Variants in ZNF81 observed in about 807,000 individuals in gnomAD.
ZNF81 encodes the protein zinc finger protein 81 (HFZ20).
In ZNF81, 5 loss-of-function variants were observed where a neutral mutation model predicts 32.3. The ratio of observed to expected loss-of-function variants is 0.15; its 90% CI spans 0.08 to 0.33. The LOEUF (loss-of-function observed/expected upper bound fraction) is 0.33, where lower values mean the gene tolerates loss of function less well. Ranked by LOEUF, ZNF81 falls within the 10% of genes least tolerant of loss-of-function variation. The pLI, the probability that ZNF81 is intolerant of heterozygous loss-of-function variation, is 1.00. For synonymous variants in ZNF81, 163 were observed against 166.8 expected (o/e 0.98, Z 0.17); for missense variants, 379 against 479.8 (o/e 0.79, Z 1.96).
intron 4 of ZNF81, among the ~76,000 whole-genome samples, chrX:47,913,096 G>T (rs1169861854): frequency 9.0e-6 from 1 of 111,700 alleles, no homozygotes; most frequent in Non-Finnish European, 1.9e-5. Flanking sequence ...GTTTGTATAG[G>T]TTAGGATGGC....
At chrX:47,907,005 C>T (rs1466857912) in intron 4 of ZNF81, among the ~76,000 whole-genome samples, 1 of 109,156 alleles carries the variant, frequency 9.2e-6, no homozygotes, top group Non-Finnish European at 1.9e-5. Flanking sequence ...AGATCAAAAT[C>T]ATGTCTCTTG....
chrX:47,846,424 A>G, intron 2 of ZNF81, 103 bp downstream of exon 2: 1 of 984,007 alleles, frequency 1.0e-6, no homozygotes. Flanking sequence ...TTTAGCAGGC[A>G]GGAAAATTTC....
intron 2 of ZNF81, among the ~76,000 whole-genome samples, chrX:47,872,472 A>G (rs2058584206): frequency 9.0e-6 from 1 of 111,545 alleles, no homozygotes; most frequent in Admixed American, 9.5e-5. Flanking sequence ...TTGAGAGACC[A>G]TTTGCCATAA....
chrX:47,913,759 T>G (rs955548931), intron 4 of ZNF81, among the ~76,000 whole-genome samples: 2 of 111,719 alleles, frequency 1.8e-5, no homozygotes, highest in African/African-American at 6.5e-5. Flanking sequence ...AAGTAAGACA[T>G]GCACCTTTAG....
At position 47,920,967 on chromosome X, in the gene ZNF81, G is replaced by A. The variant is rs2058774866; in HGVS notation, c.*4335G>A. On this transcript the variant is annotated 3_prime_UTR_variant, in exon 5 of 5. Transcript: ENST00000338637. The stretch of plus-strand genomic sequence containing the variant: ...CTTTTATTATATTTCAAGCTAGTTG[G>A]TTGCTCTGTAATCTTAGCTCTCTGA... 1 of 111,470 alleles carries A rather than the reference G, an allele frequency of 9.0e-6. No individual in the cohort carries two copies. Among genetic ancestry groups the A allele is most frequent in the African/African-American group, 3.3e-5 (1 of 30,613 alleles). 9.2% of individuals were successfully genotyped at this position (111,470 alleles called of 1,213,427 possible). A position where few individuals can be genotyped will look rare whatever the true frequency, so the allele number is the denominator to read the frequency against.
intron 2 of ZNF81, among the ~76,000 whole-genome samples, chrX:47,855,855 C>T (rs1556881804): frequency 9.2e-6 from 1 of 108,840 alleles, no homozygotes; most frequent in Non-Finnish European, 1.9e-5. Context: ...TTGAGACCAG[C>T]CTGGCCAACA....
chrX:47,871,009 C>T (rs1182030808), intron 2 of ZNF81, among the ~76,000 whole-genome samples: 2 of 111,708 alleles, frequency 1.8e-5, no homozygotes, highest in Non-Finnish European at 3.8e-5. Flanking sequence ...TTTTGGAATG[C>T]ATATTTTTGA....
intron 2 of ZNF81, among the ~76,000 whole-genome samples, chrX:47,873,589 T>C (rs1226443886): frequency 1.8e-5 from 2 of 112,147 alleles, no homozygotes; most frequent in Admixed American, 1.9e-4. Flanking sequence ...GCTCCCTTTG[T>C]ATATTGTCCA....
chrX:47,887,879 T>A (rs1427706507), intron 2 of ZNF81, 120 bp from the exon 3 acceptor site: 60 of 815,988 alleles, frequency 7.4e-5, no homozygotes, highest in Non-Finnish European at 1.1e-4. Flanking sequence ...AACTAAGTAT[T>A]TAATGGGCAT....
At chrX:47,868,561 C>T (rs923279590) in intron 2 of ZNF81, among the ~76,000 whole-genome samples, 28 of 111,229 alleles carry the variant, frequency 2.5e-4, no homozygotes, top group Non-Finnish European at 4.9e-4. Flanking sequence ...TTTCCATTTC[C>T]ACTCCTATTG....
In ZNF81 at chrX:47,918,823, C is replaced by G. The variant is rs782062721; in HGVS notation, c.*2191C>G. ...TATCTGCCCCTGGAGCCAAGGGAAC[C>G]GACAACATTTGCTCTGTGGGATTTC... On this transcript the variant is annotated 3_prime_UTR_variant, in exon 5 of 5. Transcript: ENST00000338637. 8.4e-6 allele frequency: 1 copy of G among 118,985 alleles called. No homozygotes were observed. Among genetic ancestry groups the G allele is most frequent in the African/African-American group, 3.2e-5 (1 of 30,826 alleles). 9.8% of individuals were successfully genotyped at this position (118,985 alleles called of 1,213,427 possible).
At chrX:47,890,464 A>C (rs2058658587) in intron 3 of ZNF81, among the ~76,000 whole-genome samples, 1 of 112,254 alleles carries the variant, frequency 8.9e-6, no homozygotes, top group African/African-American at 3.2e-5. Flanking sequence ...GTAGTTATCC[A>C]CTACTACAGG....
In ZNF81 at chrX:47,920,530, T is replaced by C. The variant is rs1569396838; in HGVS notation, c.*3898T>C. 1 of 110,757 alleles carries C rather than the reference T, an allele frequency of 9.0e-6. No individual in the cohort carries two copies. Among genetic ancestry groups the C allele is most frequent in the Admixed American group, 9.6e-5 (1 of 10,394 alleles). The allele number at this position is 110,757 out of a possible 1,213,427, so 9.1% of individuals were successfully genotyped here. A position where few individuals can be genotyped will look rare whatever the true frequency, so the allele number is the denominator to read the frequency against. On this transcript the variant is annotated 3_prime_UTR_variant, in exon 5 of 5. Transcript: ENST00000338637. ...TTTTATCATGGGTGGAATTTTTTTT[T>C]CCATTTCCCTCACTCTAGTCACAGT...
chrX:47,870,249 T>G (rs1173501099), intron 2 of ZNF81, among the ~76,000 whole-genome samples: 1 of 112,074 alleles, frequency 8.9e-6, no homozygotes, highest in Non-Finnish European at 1.9e-5. Flanking sequence ...GCACAGGACA[T>G]GGTCTCAGAC....
intron 2 of ZNF81, among the ~76,000 whole-genome samples, chrX:47,867,929 C>T (rs1415272228): frequency 1.8e-5 from 2 of 111,767 alleles, no homozygotes; most frequent in Admixed American, 1.9e-4. Context: ...AGTAACACCA[C>T]ATTTATAAAA....
At chrX:47,897,020 T>A (rs782139839) in intron 4 of ZNF81, among the ~76,000 whole-genome samples, 11 of 112,379 alleles carry the variant, frequency 9.8e-5, no homozygotes, top group African/African-American at 3.2e-4. Context: ...TTATTATGAA[T>A]GAAGCTGCAG....
intron 1 of ZNF81, among the ~76,000 whole-genome samples, chrX:47,845,704 C>G (rs1323680295): frequency 3.6e-5 from 4 of 111,683 alleles, no homozygotes; most frequent in Non-Finnish European, 7.5e-5. Context: ...TGTAAATTAC[C>G]TGCTATTACA....
chrX:47,922,473 C>T lies in ZNF81; in HGVS notation c.*5841C>T, dbSNP rs2058780173. On this transcript the variant is annotated 3_prime_UTR_variant, in exon 5 of 5. Transcript: ENST00000338637. ...AAAATTTATTCACTCCCATTTTCAA[C>T]CCTTTTTTGTCACTGGGAACAATGC... is the stretch of plus-strand genomic sequence containing the variant. Among the ~76,000 whole-genome samples, 1 of 111,887 alleles carries T rather than the reference C, an allele frequency of 8.9e-6. No individual in the cohort carries two copies.
In ZNF81 at chrX:47,915,132, T is replaced by C. The variant is rs1556890436; in HGVS notation, c.486T>C (p.Asn162=). Residue 162 remains asparagine, a synonymous_variant, in exon 5 of 5, where the codon AAT becomes AAC. Coordinates refer to ENST00000338637, the MANE Select transcript of ZNF81 (RefSeq NM_007137.5). ...CTTTCCTCAATAAGAAAATATTGAA[T>C]ACAGAGTGGGATTATGAATATAAAG... The part of the protein sequence containing the change: ...RTTFLNKKIL[N]TEWDYEYKDF... The C allele has an allele frequency of 8.3e-7, 1 of 1,203,434 alleles. No individual in the cohort carries two copies. The highest frequency in any genetic ancestry group is 3.0e-5 in the East Asian group (1 of 33,756).
Sources: allele counts gnomAD v4.1 joint callset (sites outside exome capture counted in the v4.1 genomes callset), GRCh38; gene constraint gnomAD v4.1.1; transcripts MANE v1.5; gene names NCBI Gene and HGNC (gene_info 2026-07-23, HGNC 2026-07-21).